CSPP1: variants seen among roughly 807,000 people sequenced by gnomAD.
CSPP1 encodes the protein centrosome and spindle pole-associated protein 1.
Under a neutral mutation model 164.4 loss-of-function variants are expected in CSPP1, and 126 were observed. The ratio of observed to expected loss-of-function variants is 0.77; its 90% CI spans 0.66 to 0.89. CSPP1 has a LOEUF of 0.89. CSPP1 is among the 40% of genes least tolerant of loss of function. The pLI is 0.00. For missense variants in CSPP1, 1,395 were observed against 1,449.8 expected (o/e 0.96, Z 0.61); for synonymous variants, 472 against 476.7 (o/e 0.99, Z 0.13).
rs116198849 is a variant in CSPP1 at position 67,180,377 on chromosome 8, T to A, written c.3220+451T>A. Among the ~76,000 whole-genome samples, 892 of 152,330 alleles carry A rather than the reference T, an allele frequency of 5.9e-3. 7 individuals carry two copies. The highest frequency in any genetic ancestry group is 0.02 in the African/African-American group (833 of 41,578). On this transcript the variant is annotated intron_variant, in intron 28 of 30. Coordinates refer to ENST00000678616, the MANE Select transcript of CSPP1 (RefSeq NM_001382391.1). ...TGTATGATTCAATTTACATAACATT[T>A]TTGAAATTACAAAATTAAGAAATTG... is the stretch of plus-strand genomic sequence containing the variant.
At chr8:67,164,812 C>G (rs912027280) in intron 24 of CSPP1, among the ~76,000 whole-genome samples, 4 of 152,166 alleles carry the variant, frequency 2.6e-5, no homozygotes, top group African/African-American at 9.7e-5. Context: ...CACGTACGGG[C>G]TACCGAACAT....
At chr8:67,184,436 A>G (rs1409536540) in intron 28 of CSPP1, among the ~76,000 whole-genome samples, 2 of 152,164 alleles carry the variant, frequency 1.3e-5, no homozygotes, top group African/African-American at 4.8e-5. Flanking sequence ...AATTACTAAT[A>G]CCAGAAACAG....
intron 28 of CSPP1, among the ~76,000 whole-genome samples, chr8:67,187,127 C>G (rs1396292914): frequency 6.6e-6 from 1 of 152,054 alleles, no homozygotes; most frequent in Non-Finnish European, 1.5e-5. Flanking sequence ...TCAGTATTGT[C>G]AAGATGTCAG....
intron 6 of CSPP1, among the ~76,000 whole-genome samples, chr8:67,094,913 A>G (rs1468839109): frequency 6.6e-6 from 1 of 152,194 alleles, no homozygotes; most frequent in African/African-American, 2.4e-5. Context: ...CATTTACTAT[A>G]AATGGATCAT....
At chr8:67,170,364 G>A (rs1200023612) in intron 24 of CSPP1, among the ~76,000 whole-genome samples, 1 of 152,110 alleles carries the variant, frequency 6.6e-6, no homozygotes, top group Non-Finnish European at 1.5e-5. Flanking sequence ...GGCTGAGGCA[G>A]GAGAATTGCT....
intron 15 of CSPP1, among the ~76,000 whole-genome samples, chr8:67,124,699 G>A (rs956196681): frequency 6.6e-6 from 1 of 150,716 alleles, no homozygotes; most frequent in Non-Finnish European, 1.5e-5. Flanking sequence ...GTTTTGTTTT[G>A]GAGATAGGAT....
In CSPP1 at chr8:67,190,725, A is replaced by G. The variant is rs201629827; in HGVS notation, c.3296A>G (p.Glu1099Gly). The change falls in exon 29 of 31, where the codon GAG becomes GGG. Residue 1099 changes from glutamate to glycine, a missense_variant. Coordinates refer to ENST00000678616, the MANE Select transcript of CSPP1 (RefSeq NM_001382391.1). The stretch of plus-strand genomic sequence containing the variant: ...CCATCACAGTTGCCCTCTGCACGGG[A>G]GCGCAGGAGGAACAAATGGAAAGGA... ...PPPSQLPSAR[E>G]RRRNKWKGLD... 6.6e-5 allele frequency: 107 copies of G among 1,613,646 alleles called. No homozygotes were observed. In the Middle Eastern group the frequency reaches 5.1e-3, roughly 77 times the overall value.
Position 67,158,472 on chromosome 8 carries a change from A to G in CSPP1, c.2267A>G (p.Glu756Gly), listed in dbSNP as rs559765139. Residue 756 changes from glutamate to glycine, a missense_variant, in exon 20 of 31, where the codon GAA becomes GGA. Glu to Gly is a moderately conservative substitution (Grantham distance 98). Coordinates refer to ENST00000678616, the MANE Select transcript of CSPP1 (RefSeq NM_001382391.1). ...ATTGAGGAAAAGAAACAAAGAGAGG[A>G]AGCAGAGCGAGAGAGACTGAGAATT... The part of the protein sequence containing the change: ...FQIEEKKQRE[E>G]AERERLRIAE... 12 of 1,608,380 alleles carry G rather than the reference A, an allele frequency of 7.5e-6. No individual in the cohort carries two copies. The African/African-American group carries it at 1.6e-4, about 22-fold the overall frequency.
At chr8:67,088,901 A>C (rs999770433) in intron 4 of CSPP1, among the ~76,000 whole-genome samples, 15 of 151,816 alleles carry the variant, frequency 9.9e-5, no homozygotes, top group Non-Finnish European at 1.9e-4. Context: ...CGTCTCAAAA[A>C]AAAAAAAAAA....
At chr8:67,131,833 A>G (rs1821292563) in intron 15 of CSPP1, 118 bp from the exon 16 acceptor site, 4 of 903,096 alleles carry the variant, frequency 4.4e-6, no homozygotes, top group Non-Finnish European at 6.4e-6. Context: ...GCCTATAGAG[A>G]AATATCCTTC....
intron 4 of CSPP1, chr8:67,086,786 A>T (rs777698323): frequency 3.1e-6 from 4 of 1,280,522 alleles, no homozygotes; most frequent in Non-Finnish European, 3.2e-6. Flanking sequence ...CTTTGACTTA[A>T]TACACTTTGT....
chr8:67,121,721 G>A (rs1392779814), intron 15 of CSPP1, among the ~76,000 whole-genome samples: 1 of 152,100 alleles, frequency 6.6e-6, no homozygotes, highest in Admixed American at 6.6e-5. Flanking sequence ...GAAAAAGTTT[G>A]AGGATTTATA....
intron 24 of CSPP1, among the ~76,000 whole-genome samples, chr8:67,165,416 C>G (rs1210294128): frequency 6.6e-6 from 1 of 152,206 alleles, no homozygotes; most frequent in Non-Finnish European, 1.5e-5. Flanking sequence ...TTACTATGAA[C>G]TAAATTTGAG....
At position 67,159,946 on chromosome 8, in the gene CSPP1, CTTCCTTCCTTCTTTCTT is replaced by C. The variant is rs1333023707; in HGVS notation, c.2538+813_2538+829del. 5.9e-4 allele frequency among the ~76,000 whole-genome samples: 34 copies of C among 57,458 alleles called. 3 individuals are homozygous for C. The highest frequency in any genetic ancestry group is 2.0e-3 in the African/African-American group (31 of 15,658). 37.7% of individuals were successfully genotyped at this position (57,458 alleles called of 152,430 possible). The stretch of plus-strand genomic sequence containing the variant: ...TTTCCTTTCCTTCCTTCCTTCCTTC[CTTCCTTCCTTCTTTCTT>C]TTCTTTTCTTTTCTTTTCTTTTCTT... On this transcript the variant is annotated intron_variant, in intron 21 of 30. Coordinates refer to ENST00000678616, the MANE Select transcript of CSPP1 (RefSeq NM_001382391.1).
chr8:67,093,088 G>A (rs1445659513), intron 5 of CSPP1, among the ~76,000 whole-genome samples: 1 of 152,108 alleles, frequency 6.6e-6, no homozygotes, highest in African/African-American at 2.4e-5. Context: ...TTACTAGTGG[G>A]AGAGATTTAT....
chr8:67,148,951 G>A (rs1488230527), intron 17 of CSPP1, among the ~76,000 whole-genome samples: 1 of 152,090 alleles, frequency 6.6e-6, no homozygotes, highest in African/African-American at 2.4e-5. Context: ...ATTATCTTGC[G>A]GTTCTGAGGG....
chr8:67,084,547 T>G (rs947441231), intron 3 of CSPP1, among the ~76,000 whole-genome samples: 3 of 152,198 alleles, frequency 2.0e-5, no homozygotes. Flanking sequence ...AGTCAAATTT[T>G]ATTTCATCTA....
intron 1 of CSPP1, among the ~76,000 whole-genome samples, chr8:67,065,952 A>C (rs932779219): frequency 2.0e-5 from 3 of 152,202 alleles, no homozygotes; most frequent in Non-Finnish European, 4.4e-5. Context: ...AATATGAATT[A>C]ACTGTTACAC....
rs775086609 is a variant in CSPP1, at chr8:67,137,480, A to T, written c.1852A>T (p.Lys618Ter). 4.5e-6 allele frequency: 7 copies of T among 1,538,512 alleles called. No homozygotes were observed. In the South Asian group the frequency reaches 8.4e-5, roughly 19 times the overall value. The change falls in exon 17 of 31, where the codon AAG (lysine) becomes TAG (stop). Residue 618 changes from lysine to a stop codon, truncating the protein, a stop_gained. Transcript: ENST00000678616. LOFTEE classifies it high-confidence loss of function. ...QQIREREERR[K>*]KEREEKEEYE... is the part of the protein sequence containing the mutation. ...GATTCGGGAAAGAGAAGAAAGAAGG[A>T]AGAAAGAACGTGAAGAAAAAGAAGA...
Sources: allele counts gnomAD v4.1 joint callset (sites outside exome capture counted in the v4.1 genomes callset), GRCh38; gene constraint gnomAD v4.1.1; transcripts MANE v1.5; gene names NCBI Gene and HGNC (gene_info 2026-07-23, HGNC 2026-07-21).